ZSWIM5: variants seen among roughly 807,000 people sequenced by gnomAD.
ZSWIM5 encodes the protein zinc finger SWIM domain-containing protein 5.
A neutral mutation model predicts 119.6 loss-of-function variants in ZSWIM5; 55 were observed. That is an observed-to-expected ratio of 0.46 (90% CI 0.37 to 0.58). ZSWIM5 has a LOEUF of 0.58. Ranked by LOEUF, ZSWIM5 falls within the 20% of genes least tolerant of loss-of-function variation. ZSWIM5 has a pLI of 0.00. For missense variants in ZSWIM5, 1,193 were observed against 1,512.8 expected, an observed-to-expected ratio of 0.79 and a Z score of 3.51; for synonymous variants, 537 against 606.9, an observed-to-expected ratio of 0.88 and a Z score of 1.69.
rs749017745 is a variant in ZSWIM5, at chr1:45,040,507, G to A, written c.1641C>T (p.Asp547=). The A allele has an allele frequency of 3.8e-5, 61 of 1,610,576 alleles. No homozygotes were observed. Among genetic ancestry groups the A allele is most frequent in the South Asian group, 1.9e-4 (17 of 90,058 alleles). ...EHVPTACARV[D]ALRSHGYPKE... ...TTGGATAACCATGGGAACGCAGGGCGTCAACTCGAGCACAGGCTGTAGGCA... is the reference window on the plus strand; with the variant it reads ...TTGGATAACCATGGGAACGCAGGGCATCAACTCGAGCACAGGCTGTAGGCA... The change falls in exon 7 of 14, where the codon GAC becomes GAT. Residue 547 remains aspartate, a synonymous_variant. Coordinates refer to ENST00000359600, the MANE Select transcript of ZSWIM5 (RefSeq NM_020883.2).
chr1:45,162,551 A>T (rs1033478273), intron 1 of ZSWIM5, among the ~76,000 whole-genome samples: 1 of 152,272 alleles, frequency 6.6e-6, no homozygotes, highest in African/African-American at 2.4e-5. Flanking sequence ...GCAAGAGGTC[A>T]GGGAATTCCC....
chr1:45,169,413 G>T (rs1645930909), intron 1 of ZSWIM5, among the ~76,000 whole-genome samples: 1 of 151,906 alleles, frequency 6.6e-6, no homozygotes, highest in Non-Finnish European at 1.5e-5. Context: ...AAGAGACAAA[G>T]ATATCATTAC....
At chr1:45,170,553 T>C (rs1438511023) in intron 1 of ZSWIM5, among the ~76,000 whole-genome samples, 2 of 139,794 alleles carry the variant, frequency 1.4e-5, no homozygotes, top group Admixed American at 7.1e-5. Context: ...GCCTCCCAAA[T>C]AGCTGGGATT....
At chr1:45,101,888 C>G (rs971251221) in intron 1 of ZSWIM5, among the ~76,000 whole-genome samples, 1 of 151,996 alleles carries the variant, frequency 6.6e-6, no homozygotes, top group Non-Finnish European at 1.5e-5. Flanking sequence ...CAGGGCCTGT[C>G]GTGGGGTGGA....
chr1:45,116,177 C>G (rs1645556636), intron 1 of ZSWIM5, among the ~76,000 whole-genome samples: 1 of 152,118 alleles, frequency 6.6e-6, no homozygotes, highest in African/African-American at 2.4e-5. Context: ...AAACATTAAT[C>G]AATCCTGTAT....
intron 6 of ZSWIM5, among the ~76,000 whole-genome samples, chr1:45,042,259 C>T (rs1645021689): frequency 6.6e-6 from 1 of 152,126 alleles, no homozygotes; most frequent in African/African-American, 2.4e-5. Context: ...GTACCTAGCT[C>T]CATGTAACCT....
intron 1 of ZSWIM5, among the ~76,000 whole-genome samples, chr1:45,100,913 A>T (rs1479455056): frequency 6.6e-6 from 1 of 152,244 alleles, no homozygotes; most frequent in East Asian, 1.9e-4. Flanking sequence ...GATGGATTAA[A>T]GACTTAAATG....
At position 45,051,152 on chromosome 1, in the gene ZSWIM5, G is replaced by T; in HGVS notation, c.1354C>A (p.Pro452Thr). The T allele has an allele frequency of 1.2e-6, 2 of 1,614,176 alleles. No individual in the cohort carries two copies. Among genetic ancestry groups the T allele is most frequent in the South Asian group, 1.1e-5 (1 of 91,082 alleles). Reference sequence around the variant, plus strand: ...TGTCCATAGTTTCCATCCTCCAGGGGACAGACATCCAGGTCGCTCCACTTC... The same window carrying T: ...TGTCCATAGTTTCCATCCTCCAGGGTACAGACATCCAGGTCGCTCCACTTC... ...LQKWSDLDVC[P>T]LEDGNYGHEL... The change falls in exon 5 of 14, where the codon CCC (proline) becomes ACC (threonine). Residue 452 changes from proline (P) to threonine (T), a missense_variant. Physicochemically the swap from Pro to Thr is conservative, Grantham distance 38. Around this residue, in one of 2 missense-constraint regions of ZSWIM5, gnomAD observed 961 missense variants for 1,290.0 expected, o/e 0.74. Coordinates refer to ENST00000359600, the MANE Select transcript of ZSWIM5 (RefSeq NM_020883.2).
intron 1 of ZSWIM5, among the ~76,000 whole-genome samples, chr1:45,185,718 G>C (rs1646053968): frequency 6.6e-6 from 1 of 152,198 alleles, no homozygotes; most frequent in East Asian, 1.9e-4. Flanking sequence ...TCTCACACCA[G>C]TTAGAATGGT....
intron 2 of ZSWIM5, among the ~76,000 whole-genome samples, chr1:45,083,698 G>C (rs1459388849): frequency 6.6e-6 from 1 of 152,138 alleles, no homozygotes; most frequent in Non-Finnish European, 1.5e-5. Flanking sequence ...CTAAGTTATT[G>C]TATTAGTCTG....
At chr1:45,049,124 C>T (rs1409910602) in intron 5 of ZSWIM5, among the ~76,000 whole-genome samples, 1 of 151,890 alleles carries the variant, frequency 6.6e-6, no homozygotes, top group Admixed American at 6.6e-5. Context: ...CAGTGAGACC[C>T]AGTCTCAAAA....
chr1:45,029,729 C>G (rs1464039847), intron 11 of ZSWIM5, among the ~76,000 whole-genome samples: 1 of 152,186 alleles, frequency 6.6e-6, no homozygotes, highest in African/African-American at 2.4e-5. Flanking sequence ...TTTCACTTAG[C>G]ATGTTCTCAA....
chr1:45,199,083 A>G (rs1485474548), intron 1 of ZSWIM5, among the ~76,000 whole-genome samples: 3 of 152,138 alleles, frequency 2.0e-5, no homozygotes, highest in African/African-American at 7.2e-5. Context: ...CCAGCAATGT[A>G]TGAGAGTTCC....
At position 45,034,298 on chromosome 1, in the gene ZSWIM5, C is replaced by G. The variant is rs770690031; in HGVS notation, c.2449+14G>C. On this transcript the variant is annotated intron_variant, in intron 11 of 13. Transcript: ENST00000359600. ...GACGGGTGATGCTGGAGCTTAAGGT[C>G]TATCTATGCTCACCTTTGGCAGCAG... is the stretch of plus-strand genomic sequence containing the variant. The G allele has an allele frequency of 6.3e-7, 1 of 1,579,740 alleles. No individual in the cohort carries two copies. Among genetic ancestry groups the G allele is most frequent in the South Asian group, 1.2e-5 (1 of 85,962 alleles).
chr1:45,201,209 C>A (rs1221235414), intron 1 of ZSWIM5, among the ~76,000 whole-genome samples: 1 of 152,186 alleles, frequency 6.6e-6, no homozygotes, highest in South Asian at 2.1e-4. Context: ...CTGTAGGTTG[C>A]AGAAGGAGCA....
chr1:45,106,110 G>A (rs549969234), intron 1 of ZSWIM5, among the ~76,000 whole-genome samples: 2 of 145,066 alleles, frequency 1.4e-5, no homozygotes, highest in Admixed American at 6.8e-5. Context: ...GAGGTGAGGA[G>A]CGCCTCTGTC....
chr1:45,194,341 T>C (rs549362477), intron 1 of ZSWIM5, among the ~76,000 whole-genome samples: 10 of 152,328 alleles, frequency 6.6e-5, no homozygotes, highest in African/African-American at 2.4e-4. Flanking sequence ...TCCTGATTAG[T>C]TCCATTGTAT....
At chr1:45,044,909 G>A (rs559560289) in intron 5 of ZSWIM5, among the ~76,000 whole-genome samples, 5 of 135,946 alleles carry the variant, frequency 3.7e-5, no homozygotes, top group African/African-American at 1.1e-4. Flanking sequence ...GCTGAGTCAG[G>A]AGGATCACTT....
At position 45,019,166 on chromosome 1, in the gene ZSWIM5, C is replaced by T. The variant is rs1644872416; in HGVS notation, c.2846G>A (p.Cys949Tyr). Residue 949 changes from cysteine (C) to tyrosine (Y), a missense_variant, in exon 14 of 14, where the codon TGT becomes TAT. Coordinates refer to ENST00000359600, the MANE Select transcript of ZSWIM5 (RefSeq NM_020883.2). This position sits in a 1 kb window ranked among gnomAD's most constrained non-coding sequence, Gnocchi z 5.0. ...ACACTGTAGAGCCAGTGTGCGAGCA[C>T]AGCTAGCCAGTTCCTCCCGCTGTGG... is the stretch of plus-strand genomic sequence containing the variant. The part of the protein sequence containing the change: ...DYPQREELAS[C>Y]ARTLALQCAM... 6.2e-7 allele frequency: 1 copy of T among 1,613,676 alleles called. No homozygotes were observed. Among genetic ancestry groups the T allele is most frequent in the African/African-American group, 1.3e-5 (1 of 74,906 alleles).
Sources: allele counts gnomAD v4.1 joint callset (sites outside exome capture counted in the v4.1 genomes callset), GRCh38; gene constraint gnomAD v4.1.1; regional missense constraint gnomAD v4.1.1; non-coding constraint Gnocchi (gnomAD v3.1); transcripts MANE v1.5; gene names NCBI Gene and HGNC (gene_info 2026-07-23, HGNC 2026-07-21).